The following IST1 variants were observed in gnomAD, a reference collection of about 807,000 sequenced individuals.
IST1 encodes IST1 homolog.
IST1 carries 23 observed loss-of-function variants against 37.0 expected under a neutral mutation model. The observed-to-expected ratio is 0.62, with a 90% CI of 0.45 to 0.88. IST1 has a LOEUF of 0.88. Among genes scored for constraint, IST1 ranks in the 40% least tolerant of loss-of-function variants. The pLI is 0.00. For synonymous variants in IST1, 180 were observed against 161.7 expected (o/e 1.11, Z -0.86); for missense variants, 488 against 445.4 (o/e 1.10, Z -0.86).
intron 1 of IST1, among the ~76,000 whole-genome samples, chr16:71,912,972 G>T (rs1236402238): frequency 4.6e-5 from 7 of 152,136 alleles, no homozygotes; most frequent in African/African-American, 9.7e-5. Flanking sequence ...TGTTGTATGT[G>T]TAGACCACAT....
Position 71,929,823 on chromosome 16 carries a change from T to C in IST1, c.*2010T>C. 1 of 971,888 alleles carries C rather than the reference T, an allele frequency of 1.0e-6. No individual in the cohort carries two copies. The highest frequency in any genetic ancestry group is 1.5e-6 in the Non-Finnish European group (1 of 672,064). 60.2% of individuals were successfully genotyped at this position (971,888 alleles called of 1,614,324 possible). A position where few individuals can be genotyped will look rare whatever the true frequency, so the allele number is the denominator to read the frequency against. On this transcript the variant is annotated 3_prime_UTR_variant, in exon 10 of 10. Transcript: ENST00000378799. ...TAATTTGCAGTCAGGCATTGGAGTG[T>C]TTCCACTAATGGTTGCGAGCCAACT...
At position 71,930,113 on chromosome 16, in the gene IST1, A is replaced by AC; in HGVS notation, c.*2302dup. On this transcript the variant is annotated 3_prime_UTR_variant, in exon 10 of 10. Transcript: ENST00000378799. ...AATGGCCGAAACGAAAAGATTAATT[A>AC]CCACAAGTACCATCAAGATGACACT... 1 of 1,551,638 alleles carries AC rather than the reference A, an allele frequency of 6.4e-7. No individual in the cohort carries two copies. Among genetic ancestry groups the AC allele is most frequent in the Non-Finnish European group, 8.7e-7 (1 of 1,146,922 alleles).
At chr16:71,915,533 CTG>C in intron 1 of IST1, 91 bp from the exon 2 acceptor site, 1 of 730,590 alleles carries the variant, frequency 1.4e-6, no homozygotes, top group East Asian at 2.8e-5. Context: ...GAAAAACACT[CTG>C]TTTTTGTTTC....
At chr16:71,922,405 A>C (rs983528115) in intron 6 of IST1, 69 bp from the exon 7 acceptor site, 23 of 1,329,128 alleles carry the variant, frequency 1.7e-5, no homozygotes, top group Admixed American at 1.2e-4. Flanking sequence ...TCTCCATCTC[A>C]GACTCCGCTT....
upstream of IST1, chr16:71,895,291 G>T (rs182356381): frequency 5.1e-3 from 791 of 154,876 alleles, 4 homozygotes; most frequent in African/African-American, 0.018. Flanking sequence ...TTAAGGGCAT[G>T]CCCCCAGCAG....
intron 8 of IST1, among the ~76,000 whole-genome samples, chr16:71,923,822 C>A (rs945484631): frequency 1.1e-4 from 16 of 152,294 alleles, no homozygotes; most frequent in South Asian, 2.1e-4. Flanking sequence ...TACATGTCGG[C>A]CGACAGCATT....
At chr16:71,926,469 A>G (rs960096542) in intron 9 of IST1, among the ~76,000 whole-genome samples, 48 of 151,722 alleles carry the variant, frequency 3.2e-4, no homozygotes, top group African/African-American at 1.1e-3. Flanking sequence ...TCAACCTCCC[A>G]AGTAGCTGGG....
intron 9 of IST1, among the ~76,000 whole-genome samples, chr16:71,925,787 C>CA (rs1414775026): frequency 3.3e-5 from 5 of 152,114 alleles, no homozygotes; most frequent in African/African-American, 1.2e-4. Context: ...CTTGTTTCCA[C>CA]AAAAAATTTT....
chr16:71,910,546 C>T (rs1017905493), intron 1 of IST1, among the ~76,000 whole-genome samples: 6 of 149,510 alleles, frequency 4.0e-5, no homozygotes, highest in African/African-American at 9.9e-5. Context: ...GCGGAGCTTG[C>T]AGTGGGCCGA....
rs183229112 is a variant in IST1, at chr16:71,907,976, C to T, written c.-15-7650C>T. On this transcript the variant is annotated intron_variant, in intron 1 of 9. Coordinates refer to ENST00000378799, the MANE Select transcript of IST1 (RefSeq NM_001270975.2). ...TTACTTTTTTTTTGAGACGGAGTCT[C>T]GCTCTGTTGCCCAGCTGGAGTGCAG... Among the ~76,000 whole-genome samples, 124 of 152,190 alleles carry T rather than the reference C, an allele frequency of 8.1e-4. 1 individual carries two copies. The highest frequency in any genetic ancestry group is 3.5e-3 in the Admixed American group (53 of 15,294).
Position 71,916,493 on chromosome 16 carries a change from T to C in IST1, c.120T>C (p.Ile40=). The C allele has an allele frequency of 6.2e-7, 1 of 1,612,880 alleles. No individual in the cohort carries two copies. The highest frequency in any genetic ancestry group is 1.1e-5 in the South Asian group (1 of 91,018). The change falls in exon 3 of 10, where the codon ATT becomes ATC. Residue 40 remains isoleucine, a synonymous_variant. Transcript: ENST00000378799. ...TGGCCCAGAAAGCAAGGAAGGAGATTGCTGACTATCTGGCTGCTGGGAAAG... is the reference window on the plus strand; with the variant it reads ...TGGCCCAGAAAGCAAGGAAGGAGATCGCTGACTATCTGGCTGCTGGGAAAG... The part of the protein sequence containing the change: ...TELAQKARKE[I]ADYLAAGKDE...
At chr16:71,922,963 C>T (rs2037642727) in intron 7 of IST1, 1 of 500,416 alleles carries the variant, frequency 2.0e-6, no homozygotes, top group South Asian at 2.5e-5. Flanking sequence ...TAGTTTTTTC[C>T]ACAAATGAAT....
intron 1 of IST1, among the ~76,000 whole-genome samples, chr16:71,911,427 G>A (rs2037351759): frequency 1.3e-5 from 2 of 151,904 alleles, no homozygotes; most frequent in Non-Finnish European, 2.9e-5. Flanking sequence ...CAGACACTCC[G>A]GAGGCTGAGG....
intron 1 of IST1, among the ~76,000 whole-genome samples, chr16:71,901,205 G>A (rs2037099552): frequency 6.6e-6 from 1 of 152,016 alleles, no homozygotes; most frequent in Admixed American, 6.6e-5. Context: ...AATTAAGTCA[G>A]TCTTTTGGTT....
In IST1 at chr16:71,907,184, TTTC is replaced by T. The variant is rs1387189707; in HGVS notation, c.-15-8439_-15-8437del. Among the ~76,000 whole-genome samples, 142 of 115,016 alleles carry T rather than the reference TTTC, an allele frequency of 1.2e-3. 3 individuals carry two copies. In the East Asian group the frequency reaches 0.053, roughly 43 times the overall value. 75.5% of individuals were successfully genotyped at this position (115,016 alleles called of 152,430 possible). ...GGAAGTTTTCAGGCAGTATTTTTTC[TTTC>T]TTTTTTTTTTTTTTAAATCGAGATC... On this transcript the variant is annotated intron_variant, in intron 1 of 9. Coordinates refer to ENST00000378799, the MANE Select transcript of IST1 (RefSeq NM_001270975.2).
rs1435911231 is a variant in IST1 at position 71,929,738 on chromosome 16, G to GT, written c.*1926dup. Reference sequence around the variant, plus strand: ...AATTGAAATTACTGCTAATAGTGGAGTAAAAAAAGTACCAAAGATTTTTAA... The same window carrying GT: ...AATTGAAATTACTGCTAATAGTGGAGTTAAAAAAAGTACCAAAGATTTTTAA... On this transcript the variant is annotated 3_prime_UTR_variant, in exon 10 of 10. Transcript: ENST00000378799. 45 of 1,391,026 alleles carry GT rather than the reference G, an allele frequency of 3.2e-5. No individual in the cohort carries two copies. The highest frequency in any genetic ancestry group is 4.1e-5 in the Non-Finnish European group (42 of 1,033,428). 86.2% of individuals were successfully genotyped at this position (1,391,026 alleles called of 1,614,324 possible).
At chr16:71,926,513 T>C (rs1432269781) in intron 9 of IST1, among the ~76,000 whole-genome samples, 1 of 151,658 alleles carries the variant, frequency 6.6e-6, no homozygotes, top group Non-Finnish European at 1.5e-5. Flanking sequence ...CTGGCTAATT[T>C]TTTTTTGTAT....
In IST1 at chr16:71,924,799, T is replaced by C. The variant is rs769493494; in HGVS notation, c.883T>C (p.Ser295Pro). The change falls in exon 9 of 10, where the codon TCT becomes CCT. Residue 295 changes from serine (S) to proline (P), a missense_variant. By Grantham distance (74) the Ser-to-Pro change is moderately conservative. Coordinates refer to ENST00000378799, the MANE Select transcript of IST1 (RefSeq NM_001270975.2). Reference protein sequence around the residue: ...VDDINADKNISSAQIVGPGPK... With the variant: ...VDDINADKNIPSAQIVGPGPK... ...TGACATTAATGCTGATAAGAATATCTCTTCTGCACAGATTGTTGGTGAGTA... is the reference window on the plus strand; with the variant it reads ...TGACATTAATGCTGATAAGAATATCCCTTCTGCACAGATTGTTGGTGAGTA... The C allele has an allele frequency of 4.6e-5, 74 of 1,609,672 alleles. No individual in the cohort carries two copies. The South Asian group carries it at 8.0e-4, about 17-fold the overall frequency.
Position 71,927,789 on chromosome 16 carries a change from T to C in IST1, c.1077T>C (p.Phe359=), listed in dbSNP as rs1425661135. 3 of 1,613,966 alleles carry C rather than the reference T, an allele frequency of 1.9e-6. No individual in the cohort carries two copies. The highest frequency in any genetic ancestry group is 1.7e-5 in the Admixed American group (1 of 60,010). Residue 359 remains phenylalanine (F), a synonymous_variant, in exon 10 of 10, where the codon TTT becomes TTC. Coordinates refer to ENST00000378799, the MANE Select transcript of IST1 (RefSeq NM_001270975.2). ...ACTTTGATGATCTTTCCCGGAGGTTTGAAGAGCTGAAAAAGAAAACATAGG... is the reference window on the plus strand; with the variant it reads ...ACTTTGATGATCTTTCCCGGAGGTTCGAAGAGCTGAAAAAGAAAACATAGG... ...DIDFDDLSRR[F]EELKKKT
Sources: gnomAD v4.1 joint callset for allele counts (sites outside exome capture counted in the v4.1 genomes callset) on GRCh38, gnomAD v4.1.1 for gene constraint, MANE v1.5 for transcripts, NCBI Gene and HGNC (gene_info 2026-07-23, HGNC 2026-07-21) for gene names.